Variants in SYN2 observed in about 807,000 individuals in gnomAD.
SYN2 encodes synapsin II, also known as synapsin-2.
Under a neutral mutation model 50.9 loss-of-function variants are expected in SYN2, and 19 were observed. The observed-to-expected ratio is 0.37, with a 90% confidence interval of 0.26 to 0.55. SYN2 has a LOEUF of 0.55. Ranked by LOEUF, SYN2 falls within the 20% of genes least tolerant of loss-of-function variation. The pLI is 0.81. For missense variants in SYN2, 587 were observed against 576.4 expected (o/e 1.02, Z -0.19); for synonymous variants, 255 against 224.9 (o/e 1.13, Z -1.20).
At position 12,187,590 on chromosome 3, in the gene SYN2, C is replaced by T. The variant is rs1192943134; in HGVS notation, c.1591C>T (p.Pro531Ser). 5 of 1,550,318 alleles carry T rather than the reference C, an allele frequency of 3.2e-6. No individual in the cohort carries two copies. In the African/African-American group the frequency reaches 4.1e-5, roughly 13 times the overall value. ...QPPLAAPPQK[P>S]QPHPQLNKSQ... ...ACCCCTGGCTGCTCCACCACAGAAG[C>T]CCCAGCCTCACCCACAGCTCAAGTA... Residue 531 changes from proline to serine, a missense_variant, in exon 12 of 13, where the codon CCC becomes TCC. By Grantham distance (74) the Pro-to-Ser change is moderately conservative. Coordinates refer to ENST00000621198, the MANE Select transcript of SYN2 (RefSeq NM_133625.6).
intron 1 of SYN2, among the ~76,000 whole-genome samples, chr3:12,079,922 C>T (rs996780608): frequency 3.9e-5 from 6 of 151,988 alleles, no homozygotes; most frequent in Admixed American, 1.3e-4. Flanking sequence ...GCTGTATATC[C>T]GTCTGGTCCT....
chr3:12,021,791 G>A (rs1034151246), intron 1 of SYN2, among the ~76,000 whole-genome samples: 2 of 151,900 alleles, frequency 1.3e-5, no homozygotes, highest in Non-Finnish European at 2.9e-5. Context: ...TTGGCTGGGC[G>A]CGGTGGCTCA....
At chr3:12,183,587 C>A in intron 11 of SYN2, 3 of 1,485,696 alleles carry the variant, frequency 2.0e-6, no homozygotes, top group Non-Finnish European at 2.7e-6. Context: ...TATGCAGTGT[C>A]AGCTCCTCTG....
At chr3:12,188,392 C>T (rs1012470484) in intron 12 of SYN2, among the ~76,000 whole-genome samples, 1 of 152,232 alleles carries the variant, frequency 6.6e-6, no homozygotes, top group Non-Finnish European at 1.5e-5. Context: ...GTGCAGTGTC[C>T]CCAGCAGACT....
At chr3:12,151,163 A>G (rs1420021405) in intron 4 of SYN2, 74 bp from the exon 5 acceptor site, 13 of 1,059,712 alleles carry the variant, frequency 1.2e-5, no homozygotes, top group Non-Finnish European at 4.3e-6. Flanking sequence ...CTCAATAAAT[A>G]TTTGATGAGT....
At chr3:12,178,043 G>T (rs1424228245) in intron 10 of SYN2, among the ~76,000 whole-genome samples, 3 of 152,202 alleles carry the variant, frequency 2.0e-5, no homozygotes, top group East Asian at 1.9e-4. Flanking sequence ...AGATCCCAAG[G>T]TGCCTCAAAA....
chr3:12,137,081 A>C (rs1015352499), intron 1 of SYN2, among the ~76,000 whole-genome samples: 4 of 152,036 alleles, frequency 2.6e-5, no homozygotes, highest in South Asian at 2.1e-4. Flanking sequence ...CCTTGTCTGT[A>C]CAAAAAAAAT....
intron 7 of SYN2, 50 bp from the exon 8 acceptor site, chr3:12,167,184 T>C: frequency 6.3e-7 from 1 of 1,583,830 alleles, no homozygotes; most frequent in Non-Finnish European, 8.6e-7. Context: ...TGCCCTCCTC[T>C]TGCTGGTGTG....
chr3:12,093,314 A>G (rs892323664), intron 1 of SYN2, among the ~76,000 whole-genome samples: 4 of 152,234 alleles, frequency 2.6e-5, no homozygotes, highest in African/African-American at 7.2e-5. Flanking sequence ...AACTGTGGAC[A>G]TAGGAATGGT....
chr3:12,008,476 G>C lies in SYN2; in HGVS notation c.377+3548G>C, dbSNP rs138838151. On this transcript the variant is annotated intron_variant, in intron 1 of 12. Coordinates refer to ENST00000621198, the MANE Select transcript of SYN2 (RefSeq NM_133625.6). ...GGATCAACAGCATTGGCATCAACCA[G>C]GAGCATTTTGAACTGCAGAATCTCC... Among the ~76,000 whole-genome samples, 58 of 152,250 alleles carry C rather than the reference G, an allele frequency of 3.8e-4. 1 individual carries two copies. In the South Asian group the frequency reaches 0.011, roughly 29 times the overall value.
chr3:12,128,500 C>T (rs528715901), intron 1 of SYN2, among the ~76,000 whole-genome samples: 183 of 152,276 alleles, frequency 1.2e-3, no homozygotes, highest in Non-Finnish European at 1.9e-3. Flanking sequence ...TGTTTCTTCA[C>T]AAGTAAAATA....
At chr3:12,153,813 C>T in intron 5 of SYN2, 1 of 1,273,822 alleles carries the variant, frequency 7.9e-7, no homozygotes, top group Non-Finnish European at 1.1e-6. Flanking sequence ...ATCTCAAATG[C>T]CCCCTATCTT....
At chr3:12,100,444 G>C (rs937699273) in intron 1 of SYN2, among the ~76,000 whole-genome samples, 1 of 152,120 alleles carries the variant, frequency 6.6e-6, no homozygotes, top group Non-Finnish European at 1.5e-5. Flanking sequence ...AAAAGAATGA[G>C]ATTGGAACCC....
chr3:12,179,162 G>A (rs372389541), intron 10 of SYN2, among the ~76,000 whole-genome samples: 31 of 152,044 alleles, frequency 2.0e-4, no homozygotes, highest in Admixed American at 9.8e-4. Flanking sequence ...TAGATTCAGC[G>A]TAGCAGGATA....
chr3:12,119,525 C>G (rs888750075), intron 1 of SYN2, among the ~76,000 whole-genome samples: 1 of 152,148 alleles, frequency 6.6e-6, no homozygotes, highest in African/African-American at 2.4e-5. Flanking sequence ...CTTTTTCCCC[C>G]CTAACAGCTG....
intron 1 of SYN2, among the ~76,000 whole-genome samples, chr3:12,025,319 A>AATTTCAAAG (rs1694233555): frequency 6.6e-6 from 1 of 152,230 alleles, no homozygotes; most frequent in African/African-American, 2.4e-5. Context: ...TGGTATTGTC[A>AATTTCAAAG]GTATTTTAAA....
rs577988356 is a variant in SYN2 at position 12,091,717 on chromosome 3, A to G, written c.378-48934A>G. ...CTTCTGTCAAAATAGTTAAGCCTCA[A>G]GACTTAGTGGGAACACTAACAGTGG... is the stretch of plus-strand genomic sequence containing the variant. On this transcript the variant is annotated intron_variant, in intron 1 of 12. Transcript: ENST00000621198. Among the ~76,000 whole-genome samples, 3 of 152,344 alleles carry G rather than the reference A, an allele frequency of 2.0e-5. No individual in the cohort carries two copies. The East Asian group carries it at 5.8e-4, about 29-fold the overall frequency.
chr3:12,052,793 C>T (rs559334993), intron 1 of SYN2, among the ~76,000 whole-genome samples: 1 of 152,254 alleles, frequency 6.6e-6, no homozygotes, highest in Admixed American at 6.5e-5. Context: ...TAGGCCAAAG[C>T]ATCATAACAT....
chr3:12,078,999 C>A (rs1695530487), intron 1 of SYN2, among the ~76,000 whole-genome samples: 1 of 152,108 alleles, frequency 6.6e-6, no homozygotes, highest in East Asian at 1.9e-4. Flanking sequence ...GTTTGTAGTT[C>A]TTCTCGAAGA....
Sources: allele counts gnomAD v4.1 joint callset (sites outside exome capture counted in the v4.1 genomes callset), GRCh38; gene constraint gnomAD v4.1.1; transcripts MANE v1.5; gene names NCBI Gene and HGNC (gene_info 2026-07-23, HGNC 2026-07-21).